Variants in APP observed in about 807,000 individuals in gnomAD.
APP encodes the protein amyloid beta precursor protein.
Under a neutral mutation model 101.4 loss-of-function variants are expected in APP, and 31 were observed. That is an observed-to-expected ratio of 0.31 (90% CI 0.23 to 0.41). The LOEUF (loss-of-function observed/expected upper bound fraction) is 0.41, where lower values mean the gene tolerates loss of function less well. Ranked by LOEUF, APP falls within the 10% of genes least tolerant of loss-of-function variation. APP has a pLI of 1.00. For missense variants in APP, 839 were observed against 1,003.7 expected (o/e 0.84, Z 2.22); for synonymous variants, 366 against 364.4 (o/e 1.00, Z -0.05).
At chr21:25,885,288 C>T (rs2037250101) in intron 17 of APP, among the ~76,000 whole-genome samples, 1 of 152,244 alleles carries the variant, frequency 6.6e-6, no homozygotes, top group Non-Finnish European at 1.5e-5. Flanking sequence ...CAATCTCTTC[C>T]TCATGGCTAA....
chr21:26,138,977 G>A (rs756045630), intron 1 of APP, among the ~76,000 whole-genome samples: 10 of 152,050 alleles, frequency 6.6e-5, no homozygotes, highest in Non-Finnish European at 2.9e-5. Flanking sequence ...GTAGACTGGC[G>A]GGGTGGGGCG....
chr21:26,044,540 T>G (rs1190349780), intron 5 of APP, among the ~76,000 whole-genome samples: 1 of 152,182 alleles, frequency 6.6e-6, no homozygotes, highest in African/African-American at 2.4e-5. Flanking sequence ...ATTTCTTTCT[T>G]TCTTTCTTTC....
intron 1 of APP, among the ~76,000 whole-genome samples, chr21:26,130,639 T>C (rs1384427444): frequency 6.6e-6 from 1 of 152,262 alleles, no homozygotes; most frequent in Non-Finnish European, 1.5e-5. Context: ...TAAGGCATTC[T>C]ATAATGTTAA....
chr21:25,887,428 C>T (rs1335006037), intron 17 of APP, among the ~76,000 whole-genome samples: 1 of 151,318 alleles, frequency 6.6e-6, no homozygotes, highest in Non-Finnish European at 1.5e-5. Context: ...ACAGTTACCT[C>T]CTTGGGAAAG....
intron 8 of APP, among the ~76,000 whole-genome samples, chr21:25,996,972 G>A (rs2043080573): frequency 1.3e-5 from 2 of 152,194 alleles, no homozygotes; most frequent in South Asian, 4.1e-4. Flanking sequence ...TCCTTCCACT[G>A]CACCTAGCCC....
chr21:25,888,417 T>C (rs948635638), intron 17 of APP, among the ~76,000 whole-genome samples: 1 of 152,200 alleles, frequency 6.6e-6, no homozygotes, highest in African/African-American at 2.4e-5. Context: ...CTACATCTTT[T>C]TTGAGGACAG....
intron 9 of APP, among the ~76,000 whole-genome samples, chr21:25,976,778 T>A (rs1395701294): frequency 6.6e-6 from 1 of 152,202 alleles, no homozygotes; most frequent in Non-Finnish European, 1.5e-5. Flanking sequence ...GGAAACTTAA[T>A]CCCCAGTGCA....
At chr21:25,882,399 C>T (rs975881683) in intron 17 of APP, among the ~76,000 whole-genome samples, 4 of 147,876 alleles carry the variant, frequency 2.7e-5, no homozygotes, top group African/African-American at 7.5e-5. Context: ...AGGACGACGC[C>T]ATTCTAGATG....
At chr21:25,959,843 T>A (rs982698104) in intron 11 of APP, among the ~76,000 whole-genome samples, 1 of 152,236 alleles carries the variant, frequency 6.6e-6, no homozygotes, top group Non-Finnish European at 1.5e-5. Flanking sequence ...TTATCTTCTA[T>A]TGAGATGGGT....
At chr21:25,886,155 G>A (rs1028283494) in intron 17 of APP, among the ~76,000 whole-genome samples, 1 of 151,940 alleles carries the variant, frequency 6.6e-6, no homozygotes, top group Admixed American at 6.6e-5. Flanking sequence ...ACACATCAAA[G>A]GAGCCACAAG....
At chr21:26,066,651 A>T (rs1358172166) in intron 3 of APP, among the ~76,000 whole-genome samples, 4 of 152,282 alleles carry the variant, frequency 2.6e-5, no homozygotes, top group African/African-American at 9.6e-5. Context: ...TTTAAAAAAT[A>T]AAAATTTTCA....
intron 6 of APP, among the ~76,000 whole-genome samples, chr21:26,010,127 A>G (rs1285409437): frequency 3.9e-5 from 6 of 152,056 alleles, no homozygotes. Context: ...AGCTGGGAAC[A>G]GCAGTGTCTC....
chr21:25,887,840 C>T (rs903729421), intron 17 of APP, among the ~76,000 whole-genome samples: 1 of 152,174 alleles, frequency 6.6e-6, no homozygotes, highest in Non-Finnish European at 1.5e-5. Flanking sequence ...GATTTATGTA[C>T]ATGTACTTTA....
intron 13 of APP, 120 bp downstream of exon 13, chr21:25,954,470 C>T (rs913922305): frequency 2.6e-5 from 23 of 895,916 alleles, no homozygotes; most frequent in Middle Eastern, 5.4e-4. Context: ...ACAGTTTCAT[C>T]GTAAAAGGCA....
At chr21:26,034,236 T>A (rs890684945) in intron 5 of APP, among the ~76,000 whole-genome samples, 1 of 152,194 alleles carries the variant, frequency 6.6e-6, no homozygotes, top group Non-Finnish European at 1.5e-5. Context: ...CCATTCCTCC[T>A]CCTTCCTTCC....
chr21:26,083,118 T>C (rs2061630048), intron 3 of APP, among the ~76,000 whole-genome samples: 1 of 152,194 alleles, frequency 6.6e-6, no homozygotes, highest in African/African-American at 2.4e-5. Flanking sequence ...CCTCCATATT[T>C]TCATAAACAA....
intron 1 of APP, among the ~76,000 whole-genome samples, chr21:26,116,633 G>C (rs1023467595): frequency 6.6e-6 from 1 of 152,156 alleles, no homozygotes; most frequent in African/African-American, 2.4e-5. Flanking sequence ...TCTCAACTAG[G>C]AGGGAAAAGT....
rs1250296104 is a variant in APP, at chr21:26,170,528, G to A, written c.57+36C>T. The A allele has an allele frequency of 3.3e-6, 5 of 1,534,342 alleles. No homozygotes were observed. In the East Asian group the frequency reaches 7.4e-5, roughly 23 times the overall value. ...TTGGGGGGTATCGCGTCCCCACCGT[G>A]CAGCCTCCCCCCGCCTTCCGAGGCG... On this transcript the variant is annotated intron_variant, in intron 1 of 17. Transcript: ENST00000346798.
chr21:25,968,087 C>CT (rs979025132), intron 11 of APP, among the ~76,000 whole-genome samples: 68 of 152,108 alleles, frequency 4.5e-4, no homozygotes, highest in Admixed American at 1.8e-3. Flanking sequence ...CTCTGCTCAA[C>CT]TTTTTTTTCC....
Sources: gnomAD v4.1 joint callset for allele counts (sites outside exome capture counted in the v4.1 genomes callset) on GRCh38, gnomAD v4.1.1 for gene constraint, MANE v1.5 for transcripts, NCBI Gene and HGNC (gene_info 2026-07-23, HGNC 2026-07-21) for gene names.